DNAJC1: variants seen among roughly 807,000 people sequenced by gnomAD.
DNAJC1 encodes DnaJ heat shock protein family (Hsp40) member C1.
In DNAJC1, 58 loss-of-function variants were observed where a neutral mutation model predicts 76.6. The ratio of observed to expected loss-of-function variants is 0.76; its 90% CI spans 0.61 to 0.94. DNAJC1 has a LOEUF of 0.94. DNAJC1 is among the 40% of genes least tolerant of loss of function. The probability of loss-of-function intolerance (pLI) is 0.00; values close to 1 mark genes in which losing one functional copy is unlikely to be tolerated. For synonymous variants in DNAJC1, 258 were observed against 267.9 expected (o/e 0.96, Z 0.36); for missense variants, 689 against 677.3 (o/e 1.02, Z -0.19).
chr10:21,967,425 CCA>C (rs1837911530), intron 1 of DNAJC1, among the ~76,000 whole-genome samples: 2 of 152,272 alleles, frequency 1.3e-5, no homozygotes, highest in African/African-American at 4.8e-5. Flanking sequence ...CTTTCTTGCA[CCA>C]CAGTGTTCTA....
intron 8 of DNAJC1, among the ~76,000 whole-genome samples, chr10:21,847,756 A>G (rs1460667135): frequency 6.6e-6 from 1 of 152,158 alleles, no homozygotes; most frequent in East Asian, 1.9e-4. Flanking sequence ...TGTTGCTGCT[A>G]CTAACAGAAT....
At chr10:21,942,243 T>TAATATTACAAA (rs1837425349) in intron 1 of DNAJC1, among the ~76,000 whole-genome samples, 1 of 150,988 alleles carries the variant, frequency 6.6e-6, no homozygotes, top group Admixed American at 6.6e-5. Context: ...GGACAAAGAG[T>TAATATTACAAA]GGTAATAAGT....
At chr10:21,877,379 A>G (rs1474697796) in intron 8 of DNAJC1, among the ~76,000 whole-genome samples, 1 of 152,038 alleles carries the variant, frequency 6.6e-6, no homozygotes, top group Non-Finnish European at 1.5e-5. Context: ...AGTTCTAGTC[A>G]TCAAAAGACA....
chr10:21,967,171 T>A (rs1837906891), intron 1 of DNAJC1, among the ~76,000 whole-genome samples: 1 of 152,156 alleles, frequency 6.6e-6, no homozygotes, highest in African/African-American at 2.4e-5. Flanking sequence ...CTTTCATCAC[T>A]CCAAAAGTTC....
intron 8 of DNAJC1, among the ~76,000 whole-genome samples, chr10:21,853,712 T>G (rs998552634): frequency 7.1e-6 from 1 of 140,232 alleles, no homozygotes; most frequent in Non-Finnish European, 1.5e-5. Context: ...GAGAATTGCT[T>G]GAACCCAGGA....
chr10:21,896,493 C>T (rs904020248), intron 7 of DNAJC1, among the ~76,000 whole-genome samples: 8 of 152,012 alleles, frequency 5.3e-5, no homozygotes, highest in African/African-American at 1.5e-4. Flanking sequence ...AATTTTATGC[C>T]GGTCCCATCA....
chr10:21,837,712 T>C (rs1480946811), intron 8 of DNAJC1, among the ~76,000 whole-genome samples: 3 of 133,430 alleles, frequency 2.2e-5, no homozygotes, highest in South Asian at 2.6e-4. Context: ...CCCCTCTGCC[T>C]GGCAGCCGCC....
chr10:21,986,634 T>C (rs1838253005), intron 1 of DNAJC1, among the ~76,000 whole-genome samples: 1 of 152,160 alleles, frequency 6.6e-6, no homozygotes, highest in South Asian at 2.1e-4. Context: ...TATGTAATAT[T>C]ATATTAATCA....
At chr10:21,876,283 G>T (rs1054755178) in intron 8 of DNAJC1, among the ~76,000 whole-genome samples, 3 of 151,832 alleles carry the variant, frequency 2.0e-5, no homozygotes, top group Admixed American at 1.3e-4. Context: ...GCTAATTTTT[G>T]TATTTTTTGG....
rs1235669799 is a variant in DNAJC1, at chr10:21,803,887, CA to C, written c.1098+2092del. On this transcript the variant is annotated intron_variant, in intron 9 of 11. Transcript: ENST00000376980. ...CCAAAAAAAAAAAAAACCCAAAAAA[CA>C]AAAAAAAAATCACTTCACAATGTCA... 2,585 of 828,012 alleles carry C rather than the reference CA, an allele frequency of 3.1e-3. 25 individuals carry two copies. In the African/African-American group the frequency reaches 0.038, roughly 12 times the overall value. The allele number at this position is 828,012 out of a possible 1,614,324, so 51.3% of individuals were successfully genotyped here.
At chr10:21,790,073 G>GA (rs986913754) in intron 9 of DNAJC1, among the ~76,000 whole-genome samples, 10 of 69,508 alleles carry the variant, frequency 1.4e-4, no homozygotes, top group Middle Eastern at 0.01. Context: ...TCTAACAGAA[G>GA]AAAAAAAAAT....
At chr10:21,873,052 T>C (rs1319717702) in intron 8 of DNAJC1, among the ~76,000 whole-genome samples, 1 of 152,178 alleles carries the variant, frequency 6.6e-6, no homozygotes, top group East Asian at 1.9e-4. Context: ...TGAAAATCTC[T>C]GTCCTGTTCT....
At chr10:21,892,866 C>G (rs1422212406) in intron 7 of DNAJC1, among the ~76,000 whole-genome samples, 2 of 151,912 alleles carry the variant, frequency 1.3e-5, no homozygotes, top group African/African-American at 4.8e-5. Flanking sequence ...CACCAAACAA[C>G]AGAGCTGCAA....
chr10:21,974,059 G>T, intron 1 of DNAJC1, among the ~76,000 whole-genome samples: 1 of 148,092 alleles, frequency 6.8e-6, no homozygotes, highest in Non-Finnish European at 1.5e-5. Flanking sequence ...CCGAGATCAC[G>T]CCACTGTACT....
chr10:22,000,784 T>C (rs1157305585), intron 1 of DNAJC1, among the ~76,000 whole-genome samples: 1 of 152,182 alleles, frequency 6.6e-6, no homozygotes, highest in Non-Finnish European at 1.5e-5. Flanking sequence ...CGTACCACCA[T>C]GTGAGGACAC....
intron 8 of DNAJC1, among the ~76,000 whole-genome samples, chr10:21,848,811 A>T (rs1835701988): frequency 6.6e-6 from 1 of 152,264 alleles, no homozygotes; most frequent in Non-Finnish European, 1.5e-5. Context: ...AAATGAAGAT[A>T]GAAATCAGCA....
rs934230328 is a variant in DNAJC1 at position 21,783,289 on chromosome 10, C to A, written c.1099-16980G>T. Among the ~76,000 whole-genome samples, 7 of 152,320 alleles carry A rather than the reference C, an allele frequency of 4.6e-5. No homozygotes were observed. The East Asian group carries it at 5.8e-4, about 13-fold the overall frequency. Reference sequence around the variant, plus strand: ...AACACAGAGCCAAATCATGAGTGAACACCCATTCACAATTGCTTCAAAGAG... The same window carrying A: ...AACACAGAGCCAAATCATGAGTGAAAACCCATTCACAATTGCTTCAAAGAG... On this transcript the variant is annotated intron_variant, in intron 9 of 11. Transcript: ENST00000376980.
intron 9 of DNAJC1, among the ~76,000 whole-genome samples, chr10:21,790,684 C>T (rs891386671): frequency 2.6e-5 from 4 of 151,988 alleles, no homozygotes; most frequent in Non-Finnish European, 5.9e-5. Context: ...ATGATAATCA[C>T]CATCATGAAA....
At chr10:21,845,937 C>A (rs1481881961) in intron 8 of DNAJC1, among the ~76,000 whole-genome samples, 1 of 151,952 alleles carries the variant, frequency 6.6e-6, no homozygotes, top group Non-Finnish European at 1.5e-5. Context: ...AAAAAAGAAC[C>A]ATTTCAGCTT....
Sources: gnomAD v4.1 joint callset for allele counts (sites outside exome capture counted in the v4.1 genomes callset) on GRCh38, gnomAD v4.1.1 for gene constraint, MANE v1.5 for transcripts, NCBI Gene and HGNC (gene_info 2026-07-23, HGNC 2026-07-21) for gene names.